TBC1D5: variants seen among roughly 807,000 people sequenced by gnomAD.
The protein encoded by TBC1D5 is TBC1 domain family, member 5.
A neutral mutation model predicts 100.3 loss-of-function variants in TBC1D5; 75 were observed. The observed-to-expected ratio is 0.75, with a 90% CI of 0.62 to 0.91. The LOEUF is 0.91. Ranked by LOEUF, TBC1D5 falls within the 40% of genes least tolerant of loss-of-function variation. The pLI, the probability that TBC1D5 is intolerant of heterozygous loss-of-function variation, is 0.00. For synonymous variants in TBC1D5, 323 were observed against 325.6 expected, an observed-to-expected ratio of 0.99 and a Z score of 0.09; for missense variants, 910 against 942.4, an observed-to-expected ratio of 0.97 and a Z score of 0.45.
At chr3:17,284,549 G>A (rs2080975181) in intron 15 of TBC1D5, among the ~76,000 whole-genome samples, 1 of 151,954 alleles carries the variant, frequency 6.6e-6, no homozygotes, top group South Asian at 2.1e-4. Flanking sequence ...CCAGTACCTG[G>A]TGCACAGAAG....
intron 2 of TBC1D5, among the ~76,000 whole-genome samples, chr3:17,526,100 A>G (rs953500481): frequency 2.6e-5 from 4 of 152,326 alleles, no homozygotes; most frequent in Admixed American, 2.0e-4. Context: ...CAAGAGAATA[A>G]AAGGGGAGGA....
chr3:17,480,598 C>T (rs1010150119), intron 3 of TBC1D5, among the ~76,000 whole-genome samples: 1 of 152,064 alleles, frequency 6.6e-6, no homozygotes, highest in Non-Finnish European at 1.5e-5. Flanking sequence ...CACTCCAGGT[C>T]TCACCTCTGC....
At chr3:17,648,729 G>T (rs192487488) in intron 1 of TBC1D5, among the ~76,000 whole-genome samples, 1 of 152,078 alleles carries the variant, frequency 6.6e-6, no homozygotes, top group Non-Finnish European at 1.5e-5. Flanking sequence ...TATGAAAAAA[G>T]CTCAGTATCA....
chr3:17,563,106 AAG>A (rs1044575018), intron 2 of TBC1D5, among the ~76,000 whole-genome samples: 1 of 152,236 alleles, frequency 6.6e-6, no homozygotes, highest in African/African-American at 2.4e-5. Flanking sequence ...TATAGTGAGT[AAG>A]AGAGAGTTTT....
At chr3:17,529,555 G>A (rs1336439137) in intron 2 of TBC1D5, among the ~76,000 whole-genome samples, 1 of 152,098 alleles carries the variant, frequency 6.6e-6, no homozygotes. Context: ...ACATATATGT[G>A]TATTTTAAAG....
At chr3:17,451,317 T>A (rs1049817719) in intron 3 of TBC1D5, among the ~76,000 whole-genome samples, 1 of 152,072 alleles carries the variant, frequency 6.6e-6, no homozygotes, top group Admixed American at 6.5e-5. Context: ...AGAAACTGCA[T>A]CAACTAATGG....
At chr3:17,212,261 CA>C (rs1224555773) in intron 18 of TBC1D5, among the ~76,000 whole-genome samples, 1 of 152,042 alleles carries the variant, frequency 6.6e-6, no homozygotes, top group Admixed American at 6.6e-5. Context: ...ATGGTGGTCC[CA>C]TAAGACTATA....
chr3:17,442,133 C>A (rs2094674433), intron 3 of TBC1D5, among the ~76,000 whole-genome samples: 1 of 152,174 alleles, frequency 6.6e-6, no homozygotes, highest in African/African-American at 2.4e-5. Context: ...AAACAGCAGG[C>A]ATCGGGAGCA....
chr3:17,645,123 T>C (rs1240491744), intron 1 of TBC1D5, among the ~76,000 whole-genome samples: 6 of 152,116 alleles, frequency 3.9e-5, no homozygotes, highest in Non-Finnish European at 7.4e-5. Flanking sequence ...AAATATAATA[T>C]AGAATACTGC....
At chr3:17,401,847 TTAAC>T (rs2093659315) in intron 8 of TBC1D5, among the ~76,000 whole-genome samples, 1 of 152,158 alleles carries the variant, frequency 6.6e-6, no homozygotes, top group Non-Finnish European at 1.5e-5. Context: ...CTACCACTGA[TTAAC>T]TATATACTTA....
At chr3:17,551,777 A>T (rs2096476031) in intron 2 of TBC1D5, among the ~76,000 whole-genome samples, 1 of 152,162 alleles carries the variant, frequency 6.6e-6, no homozygotes, top group Non-Finnish European at 1.5e-5. Flanking sequence ...AATTTTTATT[A>T]AACATTTAAT....
intron 2 of TBC1D5, among the ~76,000 whole-genome samples, chr3:17,555,079 G>A (rs776928119): frequency 6.6e-6 from 1 of 151,878 alleles, no homozygotes; most frequent in Non-Finnish European, 1.5e-5. Context: ...TCGATCTCCT[G>A]ACCTTGTGAT....
In TBC1D5 at chr3:17,292,194, T is replaced by A. The variant is rs191464273; in HGVS notation, c.1139-193A>T. ...GAACACATTGTATTGTTAACTGCTATCTAATGTATTAGCACTTAACCTCAG... is the reference window on the plus strand; with the variant it reads ...GAACACATTGTATTGTTAACTGCTAACTAATGTATTAGCACTTAACCTCAG... On this transcript the variant is annotated intron_variant, in intron 14 of 21. Coordinates refer to ENST00000253692, the Ensembl canonical transcript of TBC1D5. Among the ~76,000 whole-genome samples, 122 of 152,360 alleles carry A rather than the reference T, an allele frequency of 8.0e-4. 2 individuals are homozygous for A. In the South Asian group the frequency reaches 0.012, roughly 14 times the overall value.
At chr3:17,732,914 A>G (rs928517275) in intron 1 of TBC1D5, among the ~76,000 whole-genome samples, 1 of 152,116 alleles carries the variant, frequency 6.6e-6, no homozygotes, top group African/African-American at 2.4e-5. Context: ...GCCACTGATC[A>G]TGAAATTTTG....
At chr3:17,254,795 G>C (rs956823193) in intron 16 of TBC1D5, among the ~76,000 whole-genome samples, 3 of 143,470 alleles carry the variant, frequency 2.1e-5, no homozygotes, top group African/African-American at 8.0e-5. Context: ...CTACCAATTA[G>C]GTTTGATGAT....
chr3:17,280,319 G>A (rs143904683), intron 15 of TBC1D5, among the ~76,000 whole-genome samples: 2,408 of 152,214 alleles, frequency 0.016, 45 homozygotes, highest in South Asian at 0.031. Context: ...GGGAAATTCT[G>A]GACAGAAGAG....
At chr3:17,727,905 G>T (rs1222520123) in intron 1 of TBC1D5, among the ~76,000 whole-genome samples, 1 of 152,128 alleles carries the variant, frequency 6.6e-6, no homozygotes, top group Non-Finnish European at 1.5e-5. Context: ...AAGAGTATTA[G>T]CAAGTAGAAA....
At chr3:17,299,442 A>T (rs1289845909) in intron 14 of TBC1D5, among the ~76,000 whole-genome samples, 1 of 152,228 alleles carries the variant, frequency 6.6e-6, no homozygotes, top group Non-Finnish European at 1.5e-5. Flanking sequence ...TGTATGTATG[A>T]TACTATAATG....
chr3:17,323,396 T>C (rs916771617), intron 13 of TBC1D5, among the ~76,000 whole-genome samples: 5 of 152,252 alleles, frequency 3.3e-5, no homozygotes, highest in Middle Eastern at 3.4e-3. Context: ...CCATATATAA[T>C]AGGCATAGAG....
Sources: gnomAD v4.1 joint callset for allele counts (sites outside exome capture counted in the v4.1 genomes callset) on GRCh38, gnomAD v4.1.1 for gene constraint, MANE v1.5 for transcripts, NCBI Gene and HGNC (gene_info 2026-07-23, HGNC 2026-07-21) for gene names.